RREB1: variants seen among roughly 807,000 people sequenced by gnomAD.
RREB1 encodes ras-responsive element-binding protein 1.
In RREB1, 27 loss-of-function variants were observed where a neutral mutation model predicts 117.8. The observed-to-expected ratio is 0.23, with a 90% CI of 0.17 to 0.32. The LOEUF (loss-of-function observed/expected upper bound fraction) is 0.32, where lower values mean the gene tolerates loss of function less well. Among genes scored for constraint, RREB1 ranks in the 10% least tolerant of loss-of-function variants. RREB1 has a pLI of 1.00. For synonymous variants in RREB1, 1,298 were observed against 1,026.7 expected, an observed-to-expected ratio of 1.26 and a Z score of -5.05; for missense variants, 2,577 against 2,378.2, an observed-to-expected ratio of 1.08 and a Z score of -1.74.
intron 11 of RREB1, 90 bp downstream of exon 11, chr6:7,240,692 G>A: frequency 8.3e-7 from 1 of 1,203,552 alleles, no homozygotes; most frequent in Non-Finnish European, 1.2e-6. Context: ...GAGCTGTGGA[G>A]GGGCTGCTTG....
Position 7,229,430 on chromosome 6 carries a change from A to C in RREB1, c.1331A>C (p.Lys444Thr), listed in dbSNP as rs773427463. Residue 444 changes from lysine (K) to threonine (T), a missense_variant, in exon 10 of 13, where the codon AAG (lysine) becomes ACG (threonine). By Grantham distance (78) the Lys-to-Thr change is moderately conservative (BLOSUM62 -1). Transcript: ENST00000379938. The surrounding 1 kb of genome is among the most constrained non-coding windows in gnomAD (Gnocchi z 4.5). ...IKHLSLQPFQKGFIIQPDSSI... is the reference protein window; with the variant it reads ...IKHLSLQPFQTGFIIQPDSSI... ...CACCTGTCCCTGCAGCCCTTCCAGAAGGGCTTCATCATCCAGCCTGACAGC... is the reference window on the plus strand; with the variant it reads ...CACCTGTCCCTGCAGCCCTTCCAGACGGGCTTCATCATCCAGCCTGACAGC... The C allele has an allele frequency of 1.9e-6, 3 of 1,614,030 alleles. No homozygotes were observed. In the African/African-American group the frequency reaches 4.0e-5, roughly 22 times the overall value.
At chr6:7,138,684 G>A (rs909864858) in intron 1 of RREB1, among the ~76,000 whole-genome samples, 2 of 152,142 alleles carry the variant, frequency 1.3e-5, no homozygotes, top group African/African-American at 4.8e-5. Flanking sequence ...ATTCACAAGT[G>A]GGTTAAGGCA....
At chr6:7,207,948 C>G (rs1199151503) in intron 6 of RREB1, among the ~76,000 whole-genome samples, 1 of 152,118 alleles carries the variant, frequency 6.6e-6, no homozygotes, top group African/African-American at 2.4e-5. Context: ...ATGGAGAAGT[C>G]CTTGTTGGTG....
intron 1 of RREB1, among the ~76,000 whole-genome samples, chr6:7,174,360 A>T (rs1250427624): frequency 6.6e-6 from 1 of 152,090 alleles, no homozygotes; most frequent in Non-Finnish European, 1.5e-5. Context: ...GGGCAAGAGG[A>T]TGGAAGTTTC....
intron 3 of RREB1, chr6:7,181,633 C>A: frequency 1.7e-6 from 1 of 588,054 alleles, no homozygotes; most frequent in Non-Finnish European, 3.0e-6. Flanking sequence ...GAGTTTGAGT[C>A]CTGTTGGTAG....
At chr6:7,132,227 G>C (rs1006603269) in intron 1 of RREB1, among the ~76,000 whole-genome samples, 2 of 151,640 alleles carry the variant, frequency 1.3e-5, no homozygotes, top group African/African-American at 4.9e-5. Context: ...GCCAATTTTT[G>C]TATTTTTAGT....
rs574431508 is a variant in RREB1 at position 7,249,270 on chromosome 6, T to C, written c.*302T>C. ...GACTTCTTAAACAAAACAAATATTA[T>C]AATGAATTGTCTGGAGAGGACCTCT... On this transcript the variant is annotated 3_prime_UTR_variant, in exon 13 of 13. Coordinates refer to ENST00000379938, the MANE Select transcript of RREB1 (RefSeq NM_001003699.4). The C allele has an allele frequency of 4.4e-5, 16 of 362,834 alleles. No individual in the cohort carries two copies. The highest frequency in any genetic ancestry group is 7.5e-5 in the Non-Finnish European group (15 of 201,080). The allele number at this position is 362,834 out of a possible 1,614,324, so 22.5% of individuals were successfully genotyped here. A position where few individuals can be genotyped will look rare whatever the true frequency, so the allele number is the denominator to read the frequency against.
intron 1 of RREB1, among the ~76,000 whole-genome samples, chr6:7,127,169 A>G (rs1042639299): frequency 1.3e-5 from 2 of 152,046 alleles, no homozygotes; most frequent in Non-Finnish European, 2.9e-5. Flanking sequence ...TGGCCCTGGA[A>G]AAATGGACGG....
At chr6:7,232,153 G>T (rs1768030278) in intron 10 of RREB1, among the ~76,000 whole-genome samples, 1 of 152,204 alleles carries the variant, frequency 6.6e-6, no homozygotes, top group Non-Finnish European at 1.5e-5. Flanking sequence ...TGTTCATCCG[G>T]GGCGTTTTGA....
chr6:7,218,985 T>TG (rs1414791784), intron 8 of RREB1: 3 of 150,082 alleles, frequency 2.0e-5, no homozygotes, highest in Non-Finnish European at 1.5e-5. Flanking sequence ...CGGTGGCTCA[T>TG]GTCTGTAATC....
At chr6:7,174,250 T>G (rs1198503828) in intron 1 of RREB1, among the ~76,000 whole-genome samples, 14 of 151,434 alleles carry the variant, frequency 9.2e-5, no homozygotes, top group Non-Finnish European at 1.9e-4. Flanking sequence ...CTTCAAGCTC[T>G]GTGACTCCCT....
intron 4 of RREB1, among the ~76,000 whole-genome samples, chr6:7,184,194 C>CA: frequency 6.6e-6 from 1 of 151,778 alleles, no homozygotes; most frequent in Non-Finnish European, 1.5e-5. Context: ...CTATAAAAAA[C>CA]AAAAACAGAA....
At chr6:7,111,233 C>T (rs1482352547) in intron 1 of RREB1, among the ~76,000 whole-genome samples, 4 of 152,220 alleles carry the variant, frequency 2.6e-5, no homozygotes, top group Non-Finnish European at 5.9e-5. Context: ...CAATTTTGAA[C>T]TGTTGCGTTA....
chr6:7,207,980 A>G (rs1218665939), intron 6 of RREB1, among the ~76,000 whole-genome samples: 1 of 152,154 alleles, frequency 6.6e-6, no homozygotes, highest in Non-Finnish European at 1.5e-5. Flanking sequence ...GCAGAACTAA[A>G]TGGTGATGCC....
chr6:7,118,047 A>T (rs563059673), intron 1 of RREB1, among the ~76,000 whole-genome samples: 2 of 152,262 alleles, frequency 1.3e-5, no homozygotes, highest in Admixed American at 6.5e-5. Context: ...TGGCAGATAC[A>T]TTCAGATATA....
In RREB1 at chr6:7,229,275, G is replaced by T; in HGVS notation, c.1176G>T (p.Gln392His). ...TGCCGGATGACAACCAGGCAATTCAGCTCCAGACACTCAAGTGTCAGCTAC... is the reference window on the plus strand; with the variant it reads ...TGCCGGATGACAACCAGGCAATTCATCTCCAGACACTCAAGTGTCAGCTAC... ...EPLPDDNQAIQLQTLKCQLPQ... is the reference protein window; with the variant it reads ...EPLPDDNQAIHLQTLKCQLPQ... Residue 392 changes from glutamine to histidine, a missense_variant, in exon 10 of 13, where the codon CAG becomes CAT. Transcript: ENST00000379938. This position sits in a 1 kb window ranked among gnomAD's most constrained non-coding sequence, Gnocchi z 4.5. The T allele has an allele frequency of 6.2e-7, 1 of 1,614,096 alleles. No homozygotes were observed. The highest frequency in any genetic ancestry group is 1.3e-5 in the African/African-American group (1 of 75,020).
In RREB1 at chr6:7,219,092, C is replaced by CAAAA. The variant is rs57534871; in HGVS notation, c.708-7347_708-7344dup. 35 of 40,524 alleles carry CAAAA rather than the reference C, an allele frequency of 8.6e-4. 1 individual carries two copies. Among genetic ancestry groups the CAAAA allele is most frequent in the South Asian group, 1.5e-3 (1 of 682 alleles). 2.5% of individuals were successfully genotyped at this position (40,524 alleles called of 1,614,324 possible). A position where few individuals can be genotyped will look rare whatever the true frequency, so the allele number is the denominator to read the frequency against. On this transcript the variant is annotated intron_variant, in intron 8 of 12. Coordinates refer to ENST00000379938, the MANE Select transcript of RREB1 (RefSeq NM_001003699.4). ...GCGAAACTCCATCTCTACTAAAATA[C>CAAAA]AAAAAAAAAAAAAAAAAAAAAAAAA...
intron 10 of RREB1, among the ~76,000 whole-genome samples, chr6:7,236,540 A>G (rs1768330624): frequency 6.6e-6 from 1 of 152,170 alleles, no homozygotes. Context: ...ACTTCTGCCA[A>G]ATACAGAGAG....
intron 1 of RREB1, among the ~76,000 whole-genome samples, chr6:7,143,035 T>C (rs1762688938): frequency 6.6e-6 from 1 of 152,164 alleles, no homozygotes; most frequent in South Asian, 2.1e-4. Context: ...ACATTTGTGT[T>C]GGAAACTTGT....
Sources: gnomAD v4.1 joint callset for allele counts (sites outside exome capture counted in the v4.1 genomes callset) on GRCh38, gnomAD v4.1.1 for gene constraint, Gnocchi (gnomAD v3.1) non-coding constraint, MANE v1.5 for transcripts, NCBI Gene and HGNC (gene_info 2026-07-23, HGNC 2026-07-21) for gene names.